Variants in GRIK4 observed in about 807,000 individuals in gnomAD.
GRIK4 encodes glutamate receptor ionotropic, kainate 4.
A neutral mutation model predicts 104.9 loss-of-function variants in GRIK4; 40 were observed. The ratio of observed to expected loss-of-function variants is 0.38; its 90% CI spans 0.30 to 0.50. GRIK4 has a LOEUF of 0.50. Ranked by LOEUF, GRIK4 falls within the 20% of genes least tolerant of loss-of-function variation. GRIK4 has a pLI of 0.93. For synonymous variants in GRIK4, 485 were observed against 524.9 expected, an observed-to-expected ratio of 0.92 and a Z score of 1.04; for missense variants, 1,047 against 1,308.1, an observed-to-expected ratio of 0.80 and a Z score of 3.08.
chr11:120,846,723 G>A (rs1381921400), intron 8 of GRIK4, among the ~76,000 whole-genome samples: 1 of 152,218 alleles, frequency 6.6e-6, no homozygotes, highest in East Asian at 1.9e-4. Context: ...TCTTGGACAA[G>A]CCCTTTCTTC....
At position 120,940,821 on chromosome 11, in the gene GRIK4, CA is replaced by C. The variant is rs1052318702; in HGVS notation, c.1590+363del. Among the ~76,000 whole-genome samples the C allele has an allele frequency of 6.6e-6, 1 of 152,188 alleles. No homozygotes were observed. The highest frequency in any genetic ancestry group is 2.4e-5 in the African/African-American group (1 of 41,444). On this transcript the variant is annotated intron_variant, in intron 14 of 20. Coordinates refer to ENST00000527524, the MANE Select transcript of GRIK4 (RefSeq NM_014619.5). This position sits in a 1 kb window ranked among gnomAD's most constrained non-coding sequence, Gnocchi z 4.3. ...ATTTCTCAAGCACGTTGCCAACTTC[CA>C]AGTCTGTGTTCACTTCTAGTGTTGC...
chr11:120,778,456 G>T (rs1412354952), intron 3 of GRIK4, among the ~76,000 whole-genome samples: 2 of 152,210 alleles, frequency 1.3e-5, no homozygotes, highest in African/African-American at 4.8e-5. Flanking sequence ...AAAGACTTTA[G>T]TTTGTATTTA....
intron 13 of GRIK4, among the ~76,000 whole-genome samples, chr11:120,922,341 A>C (rs1375782801): frequency 3.3e-5 from 5 of 152,142 alleles, no homozygotes; most frequent in African/African-American, 4.8e-5. Flanking sequence ...TGCTGTGCAG[A>C]GCTGCCCCCA....
At chr11:120,660,159 A>G (rs1402782551) in intron 2 of GRIK4, 110 bp from the exon 3 acceptor site, 5 of 607,158 alleles carry the variant, frequency 8.2e-6, no homozygotes, top group Non-Finnish European at 1.5e-5. Context: ...CCCGGCATGT[A>G]AGGAGGAAAG....
At chr11:120,614,036 C>T (rs1681097792) in intron 1 of GRIK4, among the ~76,000 whole-genome samples, 1 of 152,134 alleles carries the variant, frequency 6.6e-6, no homozygotes, top group Admixed American at 6.5e-5. Flanking sequence ...CCTCTGTTCC[C>T]TCCCCTCTGC....
intron 11 of GRIK4, among the ~76,000 whole-genome samples, chr11:120,891,489 G>T (rs2134453867): frequency 6.6e-6 from 1 of 152,300 alleles, no homozygotes; most frequent in Non-Finnish European, 1.5e-5. Flanking sequence ...CTAAGATTCA[G>T]GACGTTTAAA....
chr11:120,930,003 G>GGT (rs1555096689), intron 13 of GRIK4, among the ~76,000 whole-genome samples: 1 of 110,674 alleles, frequency 9.0e-6, no homozygotes, highest in African/African-American at 4.5e-5. Flanking sequence ...GGCCACGTTT[G>GGT]GGGGGGGGGT....
intron 1 of GRIK4, among the ~76,000 whole-genome samples, chr11:120,609,803 A>T (rs1041139144): frequency 3.3e-5 from 5 of 151,942 alleles, no homozygotes; most frequent in Admixed American, 2.0e-4. Flanking sequence ...CATGAGCCAT[A>T]CGCCCAGCCT....
chr11:120,593,608 A>G (rs1948763672), intron 1 of GRIK4, among the ~76,000 whole-genome samples: 1 of 151,804 alleles, frequency 6.6e-6, no homozygotes, highest in South Asian at 2.1e-4. Flanking sequence ...CTCTAACTGT[A>G]TATTCTCTCT....
At chr11:120,881,508 T>A (rs1230721674) in intron 11 of GRIK4, among the ~76,000 whole-genome samples, 1 of 152,188 alleles carries the variant, frequency 6.6e-6, no homozygotes, top group Non-Finnish European at 1.5e-5. Context: ...AAAGCTTATA[T>A]CAACCCAGCT....
intron 1 of GRIK4, among the ~76,000 whole-genome samples, chr11:120,621,520 G>A (rs1425194812): frequency 1.3e-5 from 2 of 152,232 alleles, no homozygotes; most frequent in Non-Finnish European, 2.9e-5. Flanking sequence ...AGCCCTGGCA[G>A]TGAGGCAAGG....
At chr11:120,935,699 G>A (rs1943581277) in intron 13 of GRIK4, among the ~76,000 whole-genome samples, 1 of 152,104 alleles carries the variant, frequency 6.6e-6, no homozygotes, top group South Asian at 2.1e-4. Context: ...AAGCTTCATC[G>A]GAGTCAACTA....
Position 120,588,427 on chromosome 11 carries a change from T to G in GRIK4, c.-158-65258T>G, listed in dbSNP as rs191489820. 2.0e-5 allele frequency among the ~76,000 whole-genome samples: 3 copies of G among 152,310 alleles called. No individual in the cohort carries two copies. In the East Asian group the frequency reaches 5.8e-4, roughly 29 times the overall value. ...AGGGAACAATGCAGTGGGCCCTCTA[T>G]GGTCTCAATGGGATGGGGAGACCGC... On this transcript the variant is annotated intron_variant, in intron 1 of 20. Transcript: ENST00000527524.
chr11:120,980,287 A>G (rs1208676320), intron 19 of GRIK4, among the ~76,000 whole-genome samples: 1 of 152,106 alleles, frequency 6.6e-6, no homozygotes, highest in Admixed American at 6.5e-5. Flanking sequence ...GGGGATGTCC[A>G]CCCAGCCTCC....
At chr11:120,813,962 C>G (rs921167882) in intron 4 of GRIK4, among the ~76,000 whole-genome samples, 5 of 152,202 alleles carry the variant, frequency 3.3e-5, no homozygotes, top group African/African-American at 9.7e-5. Context: ...CTTTCCTGTC[C>G]TCTCTCACTG....
chr11:120,622,361 C>T (rs1315910406), intron 1 of GRIK4, among the ~76,000 whole-genome samples: 1 of 152,182 alleles, frequency 6.6e-6, no homozygotes, highest in African/African-American at 2.4e-5. Flanking sequence ...TGCCCCAGGT[C>T]ACACTGCCTT....
At chr11:120,580,219 C>CTTTG (rs199572997) in intron 1 of GRIK4, among the ~76,000 whole-genome samples, 1 of 136,994 alleles carries the variant, frequency 7.3e-6, no homozygotes, top group Non-Finnish European at 1.5e-5. Flanking sequence ...TTCTTTCTTT[C>CTTTG]TTTCTTTCTT....
Position 120,943,964 on chromosome 11 carries a change from G to A in GRIK4, c.1590+3504G>A, listed in dbSNP as rs146799344. ...ACAGATCATCAACAGTTGATTGTGGGATATTTACCTTCTTCCTAACACTGG... is the reference window on the plus strand; with the variant it reads ...ACAGATCATCAACAGTTGATTGTGGAATATTTACCTTCTTCCTAACACTGG... On this transcript the variant is annotated intron_variant, in intron 14 of 20. Transcript: ENST00000527524. 2.0e-5 allele frequency among the ~76,000 whole-genome samples: 3 copies of A among 152,266 alleles called. No homozygotes were observed. In the East Asian group the frequency reaches 5.8e-4, roughly 29 times the overall value.
intron 3 of GRIK4, among the ~76,000 whole-genome samples, chr11:120,750,352 T>C (rs908848223): frequency 5.3e-5 from 3 of 56,566 alleles, no homozygotes; most frequent in African/African-American, 4.3e-4. Flanking sequence ...AGAAATCTCT[T>C]TTTTTTTTTT....
Sources: gnomAD v4.1 joint callset for allele counts (sites outside exome capture counted in the v4.1 genomes callset) on GRCh38, gnomAD v4.1.1 for gene constraint, Gnocchi (gnomAD v3.1) non-coding constraint, MANE v1.5 for transcripts, NCBI Gene and HGNC (gene_info 2026-07-23, HGNC 2026-07-21) for gene names.